Variants in PCDHA3 observed in about 807,000 individuals in gnomAD.
The protein encoded by PCDHA3 is protocadherin alpha 3.
Under a neutral mutation model 62.2 loss-of-function variants are expected in PCDHA3, and 41 were observed. That is an observed-to-expected ratio of 0.66 (90% CI 0.51 to 0.86). PCDHA3 has a LOEUF of 0.86. Ranked by LOEUF, PCDHA3 falls within the 40% of genes least tolerant of loss-of-function variation. The probability of loss-of-function intolerance (pLI) is 0.00; values close to 1 mark genes in which losing one functional copy is unlikely to be tolerated. For synonymous variants in PCDHA3, 640 were observed against 555.4 expected (o/e 1.15, Z -2.14); for missense variants, 1,304 against 1,241.2 (o/e 1.05, Z -0.76).
Position 140,918,963 on chromosome 5 carries a change from A to C in PCDHA3, c.2395-59986A>C, listed in dbSNP as rs74470631. ...TAATATCCTGAACAGACTAAGACAGATATCGTTTAGGTTAGTTGGTTTTTA... is the reference window on the plus strand; with the variant it reads ...TAATATCCTGAACAGACTAAGACAGCTATCGTTTAGGTTAGTTGGTTTTTA... On this transcript the variant is annotated intron_variant, in intron 1 of 3. Transcript: ENST00000522353. Among the ~76,000 whole-genome samples the C allele has an allele frequency of 4.6e-3, 702 of 152,330 alleles. 2 individuals are homozygous for C. Among genetic ancestry groups the C allele is most frequent in the African/African-American group, 0.016 (679 of 41,576 alleles).
At chr5:140,912,864 T>C (rs1483499385) in intron 1 of PCDHA3, among the ~76,000 whole-genome samples, 1 of 152,212 alleles carries the variant, frequency 6.6e-6, no homozygotes, top group East Asian at 1.9e-4. Context: ...TGAAATGATA[T>C]ATGGTTTTTG....
At chr5:140,888,234 G>A (rs1554183382) in intron 1 of PCDHA3, among the ~76,000 whole-genome samples, 2 of 152,250 alleles carry the variant, frequency 1.3e-5, no homozygotes, top group East Asian at 1.9e-4. Flanking sequence ...ATGTGTGTGC[G>A]TGTTCCTTTA....
chr5:140,841,617 G>C, intron 1 of PCDHA3: 2 of 1,614,152 alleles, frequency 1.2e-6, no homozygotes, highest in Non-Finnish European at 1.7e-6. Flanking sequence ...TGCGGGCGGA[G>C]CGCGGAGTGC....
chr5:140,884,586 G>A (rs782106355), intron 1 of PCDHA3: 1 of 1,614,250 alleles, frequency 6.2e-7, no homozygotes, highest in Admixed American at 1.7e-5. Flanking sequence ...ATGGCCTTCA[G>A]TCCCAGCCTT....
chr5:140,974,661 G>A (rs542677478), intron 1 of PCDHA3, among the ~76,000 whole-genome samples: 4 of 152,066 alleles, frequency 2.6e-5, no homozygotes, highest in South Asian at 4.2e-4. Context: ...ACAGGCATGC[G>A]CCACCATGCC....
intron 1 of PCDHA3, chr5:140,834,626 T>G: frequency 6.2e-7 from 1 of 1,614,168 alleles, no homozygotes; most frequent in East Asian, 2.2e-5. Context: ...ATCTGCAGAA[T>G]GGCATTTTGT....
At position 140,803,202 on chromosome 5, in the gene PCDHA3, C is replaced by T; in HGVS notation, c.2005C>T (p.Leu669=). Residue 669 remains leucine (L), a synonymous_variant, in exon 1 of 4, where the codon CTG becomes TTG. Coordinates refer to ENST00000522353, the MANE Select transcript of PCDHA3 (RefSeq NM_018906.3). ...CGCCACGGCCACTGTGCTGGTGTCGCTGGTGGAGAGTGGCCAGGCACCCAA... is the reference window on the plus strand; with the variant it reads ...CGCCACGGCCACTGTGCTGGTGTCGTTGGTGGAGAGTGGCCAGGCACCCAA... ...LTATATVLVS[L]VESGQAPKAS... The T allele has an allele frequency of 6.2e-7, 1 of 1,613,906 alleles. No individual in the cohort carries two copies. Among genetic ancestry groups the T allele is most frequent in the Non-Finnish European group, 8.5e-7 (1 of 1,179,928 alleles).
intron 1 of PCDHA3, chr5:140,805,176 A>ATGCCAAATAAATATTGAATAGC: frequency 6.6e-7 from 1 of 1,505,204 alleles, no homozygotes; most frequent in Non-Finnish European, 8.8e-7. Context: ...TACTGATGCT[A>ATGCCAAATAAATATTGAATAGC]TGCCAAATAA....
At chr5:140,870,921 T>G (rs2052546739) in intron 1 of PCDHA3, 1 of 1,613,894 alleles carries the variant, frequency 6.2e-7, no homozygotes, top group South Asian at 1.1e-5. Flanking sequence ...ACGCGTGGCT[T>G]TCATATGAAT....
intron 1 of PCDHA3, chr5:140,823,182 A>G (rs2150123254): frequency 2.1e-5 from 34 of 1,613,728 alleles, no homozygotes; most frequent in South Asian, 1.1e-4. Context: ...ACAACCCGCC[A>G]GGCTGCCACA....
intron 1 of PCDHA3, among the ~76,000 whole-genome samples, chr5:140,878,794 T>G (rs2057730678): frequency 6.6e-6 from 1 of 152,218 alleles, no homozygotes; most frequent in African/African-American, 2.4e-5. Flanking sequence ...CAATCACTTT[T>G]TAAAAACATA....
chr5:140,811,794 T>C (rs1454286156), intron 1 of PCDHA3: 1 of 152,230 alleles, frequency 6.6e-6, no homozygotes, highest in African/African-American at 2.4e-5. Flanking sequence ...TGCATAAATG[T>C]CTTCTTTTGA....
chr5:140,988,578 C>A (rs1490917539), intron 3 of PCDHA3, among the ~76,000 whole-genome samples: 1 of 152,138 alleles, frequency 6.6e-6, no homozygotes, highest in African/African-American at 2.4e-5. Context: ...ACACTCTGTA[C>A]CTTCCACTTT....
chr5:140,816,388 A>T (rs1012535188), intron 1 of PCDHA3: 2 of 152,194 alleles, frequency 1.3e-5, no homozygotes, highest in African/African-American at 2.4e-5. Context: ...TGAAATTCTG[A>T]TTCTGCTTAT....
intron 1 of PCDHA3, chr5:140,856,200 T>C (rs1463727286): frequency 6.3e-7 from 1 of 1,597,908 alleles, no homozygotes; most frequent in Non-Finnish European, 8.6e-7. Flanking sequence ...GCGCAGGACC[T>C]GGGGCTGGAG....
chr5:140,875,432 T>C (rs1268206649), intron 1 of PCDHA3: 3 of 1,559,782 alleles, frequency 1.9e-6, no homozygotes, highest in Non-Finnish European at 2.6e-6. Flanking sequence ...AGCGATCCCT[T>C]AAAACTGATT....
chr5:140,802,287 C>T lies in PCDHA3; in HGVS notation c.1090C>T (p.Pro364Ser). Residue 364 changes from proline (P) to serine (S), a missense_variant, in exon 1 of 4, where the codon CCA (proline) becomes TCA (serine). By Grantham distance (74) the Pro-to-Ser change is moderately conservative. Transcript: ENST00000522353. ...SLSLPVLEDS[P>S]LSTVIALISV... ...ATCTTTACCTGTATTAGAAGACTCT[C>T]CACTTAGCACAGTCATCGCTCTGAT... The T allele has an allele frequency of 6.2e-7, 1 of 1,614,240 alleles. No individual in the cohort carries two copies. The highest frequency in any genetic ancestry group is 8.5e-7 in the Non-Finnish European group (1 of 1,180,042).
At chr5:140,824,015 G>T in intron 1 of PCDHA3, 1 of 1,614,132 alleles carries the variant, frequency 6.2e-7, no homozygotes, top group Non-Finnish European at 8.5e-7. Flanking sequence ...GTGGGGAGCT[G>T]GTCGTACTCG....
At chr5:140,931,881 T>C (rs2087825880) in intron 1 of PCDHA3, among the ~76,000 whole-genome samples, 1 of 152,002 alleles carries the variant, frequency 6.6e-6, no homozygotes, top group African/African-American at 2.4e-5. Flanking sequence ...TTTATTGCTT[T>C]CATTTTATTT....
Sources: allele counts gnomAD v4.1 joint callset (sites outside exome capture counted in the v4.1 genomes callset), GRCh38; gene constraint gnomAD v4.1.1; transcripts MANE v1.5; gene names NCBI Gene and HGNC (gene_info 2026-07-23, HGNC 2026-07-21).